Variants in CD44 observed in about 807,000 individuals in gnomAD.
CD44 encodes the protein CD44 molecule (IN blood group), also known as CD44 antigen.
CD44 carries 49 observed loss-of-function variants against 88.8 expected under a neutral mutation model. That is an observed-to-expected ratio of 0.55 (90% CI 0.44 to 0.70). The LOEUF (loss-of-function observed/expected upper bound fraction) is 0.70, where lower values mean the gene tolerates loss of function less well. Among genes scored for constraint, CD44 ranks in the 30% least tolerant of loss-of-function variants. The pLI, the probability that CD44 is intolerant of heterozygous loss-of-function variation, is 0.00. For missense variants in CD44, 883 were observed against 913.8 expected (o/e 0.97, Z 0.43); for synonymous variants, 325 against 312.3 (o/e 1.04, Z -0.43).
intron 1 of CD44, among the ~76,000 whole-genome samples, chr11:35,160,305 T>C (rs1942434769): frequency 6.6e-6 from 1 of 152,240 alleles, no homozygotes; most frequent in Non-Finnish European, 1.5e-5. Context: ...ACTCTTTCCC[T>C]CCAGCTTCGA....
At chr11:35,164,961 T>C (rs984567892) in intron 1 of CD44, among the ~76,000 whole-genome samples, 1 of 152,226 alleles carries the variant, frequency 6.6e-6, no homozygotes, top group African/African-American at 2.4e-5. Context: ...TTGCAGGACT[T>C]ACTAAGTGGT....
At chr11:35,198,839 C>A (rs931877252) in intron 7 of CD44, among the ~76,000 whole-genome samples, 1 of 151,844 alleles carries the variant, frequency 6.6e-6, no homozygotes, top group Admixed American at 6.6e-5. Flanking sequence ...ATTAACCAGG[C>A]GTAGTGGCGG....
At chr11:35,222,807 T>C (rs1170580147) in intron 17 of CD44, 2 of 984,960 alleles carry the variant, frequency 2.0e-6, no homozygotes, top group Non-Finnish European at 2.4e-6. Flanking sequence ...CTTTAGATGG[T>C]TTCTCATAAG....
At chr11:35,188,548 G>C (rs867276038) in intron 4 of CD44, among the ~76,000 whole-genome samples, 1 of 152,214 alleles carries the variant, frequency 6.6e-6, no homozygotes, top group African/African-American at 2.4e-5. Context: ...ACATGTAAGA[G>C]TGTGGTCAAC....
intron 1 of CD44, among the ~76,000 whole-genome samples, chr11:35,165,377 C>T (rs1463995146): frequency 3.3e-5 from 5 of 152,146 alleles, no homozygotes; most frequent in Admixed American, 2.6e-4. Flanking sequence ...CCAAACTCTC[C>T]GTAAGACTTT....
chr11:35,194,725 C>A (rs1159580927), intron 5 of CD44, among the ~76,000 whole-genome samples: 1 of 152,084 alleles, frequency 6.6e-6, no homozygotes, highest in African/African-American at 2.4e-5. Context: ...TCTTAAATGT[C>A]CTGTATGTTT....
In CD44 at chr11:35,172,893, G is replaced by A. The variant is rs143511437; in HGVS notation, c.68-3682G>A. 2.2e-3 allele frequency among the ~76,000 whole-genome samples: 336 copies of A among 152,118 alleles called. 2 individuals carry two copies. The highest frequency in any genetic ancestry group is 7.8e-3 in the African/African-American group (324 of 41,492). On this transcript the variant is annotated intron_variant, in intron 1 of 17. Coordinates refer to ENST00000428726, the MANE Select transcript of CD44 (RefSeq NM_000610.4). ...TCTATGTATAGTTTTTTCATAGCAC[G>A]TATTTTTCATGGAACTTTTGGAAGA... is the stretch of plus-strand genomic sequence containing the variant.
At chr11:35,215,226 A>G (rs1220642487) in intron 15 of CD44, among the ~76,000 whole-genome samples, 2 of 152,224 alleles carry the variant, frequency 1.3e-5, no homozygotes. Flanking sequence ...TGAAAGCCTC[A>G]GGAAGAATTC....
intron 16 of CD44, among the ~76,000 whole-genome samples, chr11:35,220,725 C>A (rs956954024): frequency 6.6e-6 from 1 of 151,230 alleles, no homozygotes; most frequent in Non-Finnish European, 1.5e-5. Flanking sequence ...ATCAATCTCA[C>A]CATCCAGAAA....
At chr11:35,207,123 T>C (rs546029794) in intron 11 of CD44, among the ~76,000 whole-genome samples, 25 of 152,250 alleles carry the variant, frequency 1.6e-4, no homozygotes, top group Non-Finnish European at 3.4e-4. Context: ...TTTGTGGTTT[T>C]GATTCAGGTT....
chr11:35,143,169 C>A (rs1228725588), intron 1 of CD44, among the ~76,000 whole-genome samples: 1 of 151,870 alleles, frequency 6.6e-6, no homozygotes, highest in East Asian at 1.9e-4. Flanking sequence ...ATATTTTTGA[C>A]CATATAGCAA....
chr11:35,157,437 CTATCTT>C (rs1353741482), intron 1 of CD44, among the ~76,000 whole-genome samples: 1 of 152,046 alleles, frequency 6.6e-6, no homozygotes, highest in East Asian at 1.9e-4. Context: ...TTAATTATCT[CTATCTT>C]TATCTATTTA....
chr11:35,201,075 A>G lies in CD44; in HGVS notation c.923-7A>G. ...TTTTCTAATTGCTTCAATCATCGTT[A>G]TCACAGTTTCAACCACACCACGGGC... On this transcript the variant is annotated splice_polypyrimidine_tract_variant and splice_region_variant and intron_variant, in intron 7 of 17. Transcript: ENST00000428726. The G allele has an allele frequency of 6.3e-7, 1 of 1,598,690 alleles. No homozygotes were observed. The highest frequency in any genetic ancestry group is 8.6e-7 in the Non-Finnish European group (1 of 1,165,904).
At chr11:35,165,132 A>T (rs1170819348) in intron 1 of CD44, among the ~76,000 whole-genome samples, 1 of 152,030 alleles carries the variant, frequency 6.6e-6, no homozygotes, top group African/African-American at 2.4e-5. Context: ...CTGCCCTTCC[A>T]CCCTCACTCC....
At chr11:35,180,813 A>G (rs542778481) in intron 3 of CD44, among the ~76,000 whole-genome samples, 1 of 152,338 alleles carries the variant, frequency 6.6e-6, no homozygotes, top group East Asian at 1.9e-4. Context: ...CCTGGACCAC[A>G]CAAGGCCTGT....
chr11:35,191,608 A>G (rs1946281988), intron 5 of CD44, among the ~76,000 whole-genome samples: 5 of 152,202 alleles, frequency 3.3e-5, no homozygotes, highest in Admixed American at 3.3e-4. Context: ...AGCGAACACA[A>G]TAATTAGTGG....
chr11:35,170,601 A>G (rs1943766186), intron 1 of CD44, among the ~76,000 whole-genome samples: 1 of 152,222 alleles, frequency 6.6e-6, no homozygotes, highest in Admixed American at 6.5e-5. Context: ...CACTTGGGAC[A>G]TTTTATTCAT....
intron 17 of CD44, among the ~76,000 whole-genome samples, chr11:35,223,647 A>G (rs1949481783): frequency 6.6e-6 from 1 of 152,196 alleles, no homozygotes; most frequent in Non-Finnish European, 1.5e-5. Context: ...CACAGCGAGT[A>G]TCTCACCAGG....
chr11:35,220,228 C>G (rs1178065261), intron 16 of CD44, among the ~76,000 whole-genome samples: 3 of 152,124 alleles, frequency 2.0e-5, no homozygotes, highest in Non-Finnish European at 4.4e-5. Context: ...CAAGGGAGAG[C>G]ACAGGGGAAG....
Sources: allele counts gnomAD v4.1 joint callset (sites outside exome capture counted in the v4.1 genomes callset), GRCh38; gene constraint gnomAD v4.1.1; transcripts MANE v1.5; gene names NCBI Gene and HGNC (gene_info 2026-07-23, HGNC 2026-07-21).